NAT2: variants seen among roughly 807,000 people sequenced by gnomAD.
NAT2 encodes arylamine N-acetyltransferase 2.
For missense variants in NAT2, 428 were observed against 339.1 expected (o/e 1.26, Z -2.06); for synonymous variants, 137 against 125.9 (o/e 1.09, Z -0.59).
At chr8:18,387,472 C>A, upstream of NAT2, 1 of 154,050 alleles carries the variant, frequency 6.5e-6, no homozygotes, top group South Asian at 1.8e-4. Context: ...GGCTCCCCTT[C>A]AGCTCCTGCC....
At chr8:18,387,890 C>CT (rs1800531269), upstream of NAT2, 1 of 152,910 alleles carries the variant, frequency 6.5e-6, no homozygotes, top group South Asian at 2.1e-4. Context: ...TGCTTCTCAG[C>CT]ATCCATTCCC....
intron 1 of NAT2, 30 bp from the exon 2 acceptor site, chr8:18,399,968 A>G (rs973955658): frequency 6.5e-6 from 10 of 1,527,098 alleles, no homozygotes; most frequent in Non-Finnish European, 8.8e-6. Context: ...AAAGTATGAT[A>G]TGTTTTTATG....
In NAT2 at chr8:18,400,773, C is replaced by G. The variant is rs756385259; in HGVS notation, c.770C>G (p.Thr257Ser). 1.9e-6 allele frequency: 3 copies of G among 1,613,444 alleles called. No homozygotes were observed. The highest frequency in any genetic ancestry group is 2.5e-6 in the Non-Finnish European group (3 of 1,179,882). Residue 257 changes from threonine to serine, a missense_variant, in exon 2 of 2, where the codon ACT (threonine) becomes AGT (serine). Transcript: ENST00000286479. ...KDNTDLVEFK[T>S]LTEEEVEEVL... The stretch of plus-strand genomic sequence containing the variant: ...AATACAGATCTGGTCGAGTTTAAAA[C>G]TCTCACTGAGGAAGAGGTTGAAGAA...
At chr8:18,392,315 G>C (rs980724708) in intron 1 of NAT2, among the ~76,000 whole-genome samples, 1 of 152,166 alleles carries the variant, frequency 6.6e-6, no homozygotes, top group African/African-American at 2.4e-5. Context: ...GCAAGCTGAG[G>C]AGCAAGGAAG....
At chr8:18,391,492 T>C (rs770245165) in intron 1 of NAT2, 147 bp downstream of exon 1, 1 of 150,740 alleles carries the variant, frequency 6.6e-6, no homozygotes, top group Admixed American at 6.6e-5. Flanking sequence ...TTCCAGGCCA[T>C]AATGGAAAGG....
chr8:18,386,547 C>A (rs28613468), upstream of NAT2, among the ~76,000 whole-genome samples: 8,057 of 152,286 alleles, frequency 0.053, 684 homozygotes, highest in African/African-American at 0.18. Flanking sequence ...TGGGCTCCAG[C>A]TTCTCCCGAG....
At chr8:18,387,459 C>G (rs576301054), upstream of NAT2, 8 of 153,954 alleles carry the variant, frequency 5.2e-5, no homozygotes, top group East Asian at 1.5e-3. Context: ...TTCCGCTGCG[C>G]GAGGCTCCCC....
intron 1 of NAT2, 28 bp from the exon 2 acceptor site, chr8:18,399,970 G>A (rs1258660807): frequency 1.3e-6 from 2 of 1,533,082 alleles, no homozygotes; most frequent in Admixed American, 4.2e-5. Flanking sequence ...AGTATGATAT[G>A]TTTTTATGTT....
At chr8:18,398,189 G>A (rs1360040820) in intron 1 of NAT2, among the ~76,000 whole-genome samples, 1 of 152,140 alleles carries the variant, frequency 6.6e-6, no homozygotes, top group Non-Finnish European at 1.5e-5. Context: ...ATAAAAATAT[G>A]ATTGAGGCAA....
chr8:18,400,288 C>T lies in NAT2; in HGVS notation c.285C>T (p.Ile95=). 1 of 1,613,652 alleles carries T rather than the reference C, an allele frequency of 6.2e-7. No individual in the cohort carries two copies. Among genetic ancestry groups the T allele is most frequent in the Non-Finnish European group, 8.5e-7 (1 of 1,179,786 alleles). The change falls in exon 2 of 2, where the codon ATC becomes ATT. Residue 95 remains isoleucine, a synonymous_variant. Coordinates refer to ENST00000286479, the MANE Select transcript of NAT2 (RefSeq NM_000015.3). ...QTTMLGGYFY[I]PPVNKYSTGM... is the part of the protein sequence containing the mutation. ...CAATGTTAGGAGGGTATTTTTACAT[C>T]CCTCCAGTTAACAAATACAGCACTG...
upstream of NAT2, among the ~76,000 whole-genome samples, chr8:18,390,204 C>G (rs561696137): frequency 6.6e-6 from 1 of 152,190 alleles, no homozygotes; most frequent in Non-Finnish European, 1.5e-5. Context: ...CACAGAGTCC[C>G]GAGTTCATGT....
intron 1 of NAT2, among the ~76,000 whole-genome samples, chr8:18,394,254 G>A (rs532446077): frequency 6.6e-6 from 1 of 152,300 alleles, no homozygotes; most frequent in African/African-American, 2.4e-5. Context: ...CCCATCTTTT[G>A]TGGTGGAATG....
Position 18,400,701 on chromosome 8 carries a change from G to C in NAT2, c.698G>C (p.Cys233Ser), listed in dbSNP as rs1414496827. 8 of 1,613,708 alleles carry C rather than the reference G, an allele frequency of 5.0e-6. No individual in the cohort carries two copies. The Admixed American group carries it at 1.2e-4, about 24-fold the overall frequency. Residue 233 changes from cysteine to serine, a missense_variant, in exon 2 of 2, where the codon TGT becomes TCT. By Grantham distance (112) the Cys-to-Ser change is moderately radical. Transcript: ENST00000286479. ...TTGCAGACCCCAGAAGGGGTTTACTGTTTGGTGGGCTTCATCCTCACCTAT... is the reference window on the plus strand; with the variant it reads ...TTGCAGACCCCAGAAGGGGTTTACTCTTTGGTGGGCTTCATCCTCACCTAT... ...CSLQTPEGVY[C>S]LVGFILTYRK...
At chr8:18,395,755 T>A (rs1402992924) in intron 1 of NAT2, among the ~76,000 whole-genome samples, 1 of 152,126 alleles carries the variant, frequency 6.6e-6, no homozygotes, top group Admixed American at 6.5e-5. Context: ...GAGACAGATA[T>A]TGTGGTGGAA....
chr8:18,393,968 C>A (rs1429233980), intron 1 of NAT2, among the ~76,000 whole-genome samples: 1 of 152,108 alleles, frequency 6.6e-6, no homozygotes, highest in East Asian at 1.9e-4. Flanking sequence ...GTGAAGAGAC[C>A]ACCAAACAGA....
Position 18,400,840 on chromosome 8 carries a change from C to T in NAT2, c.837C>T (p.Leu279=), listed in dbSNP as rs142907544. The T allele has an allele frequency of 3.6e-5, 58 of 1,606,290 alleles. No homozygotes were observed. In the African/African-American group the frequency reaches 4.7e-4, roughly 13 times the overall value. ...NIFKISLGRN[L]VPKPGDGSLT... ...TTAAGATTTCCTTGGGGAGAAATCT[C>T]GTGCCCAAACCTGGTGATGGATCCC... Residue 279 remains leucine (L), a synonymous_variant, in exon 2 of 2, where the codon CTC becomes CTT. Coordinates refer to ENST00000286479, the MANE Select transcript of NAT2 (RefSeq NM_000015.3).
At chr8:18,388,645 A>C (rs1053544422), upstream of NAT2, among the ~76,000 whole-genome samples, 10 of 152,194 alleles carry the variant, frequency 6.6e-5, no homozygotes, top group African/African-American at 2.2e-4. Flanking sequence ...ATCAAACTTT[A>C]GAATCTTGAC....
chr8:18,398,205 A>T (rs1018278748), intron 1 of NAT2, among the ~76,000 whole-genome samples: 2 of 152,218 alleles, frequency 1.3e-5, no homozygotes, highest in African/African-American at 4.8e-5. Flanking sequence ...GGCAAAAGGC[A>T]TAACCTAATG....
At chr8:18,393,434 G>A (rs190930018) in intron 1 of NAT2, among the ~76,000 whole-genome samples, 8 of 152,146 alleles carry the variant, frequency 5.3e-5, no homozygotes, top group African/African-American at 7.2e-5. Context: ...TAGGCAATCA[G>A]ATTTCTAGTA....
Sources: allele counts gnomAD v4.1 joint callset (sites outside exome capture counted in the v4.1 genomes callset), GRCh38; gene constraint gnomAD v4.1.1; transcripts MANE v1.5; gene names NCBI Gene and HGNC (gene_info 2026-07-23, HGNC 2026-07-21).